CIITA: variants seen among roughly 807,000 people sequenced by gnomAD.
CIITA encodes the protein class II major histocompatibility complex transactivator.
Under a neutral mutation model 115.1 loss-of-function variants are expected in CIITA, and 72 were observed. The ratio of observed to expected loss-of-function variants is 0.63; its 90% CI spans 0.52 to 0.76. The LOEUF is 0.76. Among genes scored for constraint, CIITA ranks in the 30% least tolerant of loss-of-function variants. The pLI is 0.00. For synonymous variants in CIITA, 763 were observed against 635.6 expected (o/e 1.20, Z -3.02); for missense variants, 1,617 against 1,463.8 (o/e 1.10, Z -1.71).
chr16:10,878,324 C>T (rs760560986), intron 1 of CIITA, among the ~76,000 whole-genome samples: 3 of 152,116 alleles, frequency 2.0e-5, no homozygotes, highest in Non-Finnish European at 4.4e-5. Context: ...CAGAGGTAAC[C>T]TTGCCCCCTC....
upstream of CIITA, chr16:10,866,226 C>T (rs1314121273): frequency 8.6e-6 from 4 of 466,868 alleles, no homozygotes; most frequent in Non-Finnish European, 1.7e-5. Context: ...TTGGATGCTG[C>T]ATGCTGGGTG....
chr16:10,885,757 G>A (rs1381539367), intron 1 of CIITA, among the ~76,000 whole-genome samples: 1 of 152,148 alleles, frequency 6.6e-6, no homozygotes, highest in Non-Finnish European at 1.5e-5. Context: ...AAGAGCAGAG[G>A]TTTGTTTCTT....
intron 1 of CIITA, chr16:10,888,506 C>T (rs965619606): frequency 2.1e-4 from 32 of 152,244 alleles, no homozygotes; most frequent in African/African-American, 7.2e-4. Flanking sequence ...ACCTGATTTC[C>T]CTCGGGGGAG....
chr16:10,902,997 G>C (rs2038893138), intron 8 of CIITA, among the ~76,000 whole-genome samples, 196 bp downstream of exon 8: 1 of 152,124 alleles, frequency 6.6e-6, no homozygotes, highest in South Asian at 2.1e-4. Context: ...AGGTGGTCTG[G>C]GTGCATGACC....
chr16:10,901,395 A>G lies in CIITA; in HGVS notation c.437-119A>G, dbSNP rs1285464790. The G allele has an allele frequency of 3.8e-6, 4 of 1,040,860 alleles. No homozygotes were observed. Among genetic ancestry groups the G allele is most frequent in the South Asian group, 1.3e-5 (1 of 75,318 alleles). The allele number at this position is 1,040,860 out of a possible 1,614,324, so 64.5% of individuals were successfully genotyped here. A position where few individuals can be genotyped will look rare whatever the true frequency, so the allele number is the denominator to read the frequency against. ...TGTTAGAGCGAGGGGAGGAAAATGG[A>G]CCCCCAAGACCACTACCCAGCCTTG... is the stretch of plus-strand genomic sequence containing the variant. On this transcript the variant is annotated intron_variant, in intron 5 of 19. Coordinates refer to ENST00000324288, the MANE Select transcript of CIITA (RefSeq NM_000246.4). The surrounding 1 kb of genome is among the most constrained non-coding windows in gnomAD (Gnocchi z 6.8).
intron 1 of CIITA, chr16:10,866,485 G>C (rs1441994978): frequency 1.8e-6 from 1 of 562,260 alleles, no homozygotes. Flanking sequence ...AGAGAAAGGA[G>C]ACCTGGATTT....
intron 1 of CIITA, among the ~76,000 whole-genome samples, chr16:10,890,110 G>A (rs1018297650): frequency 3.3e-5 from 5 of 152,158 alleles, no homozygotes; most frequent in African/African-American, 9.7e-5. Context: ...AGGGAAGCAG[G>A]AAGTGGGGCG....
At chr16:10,914,199 G>A (rs927168438) in intron 13 of CIITA, among the ~76,000 whole-genome samples, 2 of 152,098 alleles carry the variant, frequency 1.3e-5, no homozygotes, top group African/African-American at 4.8e-5. Flanking sequence ...ATTTAACAAC[G>A]AATGCCTTAA....
intron 1 of CIITA, among the ~76,000 whole-genome samples, chr16:10,892,130 C>T (rs146260139): frequency 1.3e-5 from 2 of 152,120 alleles, no homozygotes; most frequent in East Asian, 3.9e-4. Context: ...TCGAAACCAG[C>T]CTGACCAACA....
intron 15 of CIITA, 50 bp downstream of exon 15, chr16:10,916,509 G>A (rs201134444): frequency 7.6e-5 from 114 of 1,509,916 alleles, no homozygotes; most frequent in Admixed American, 5.4e-4. Flanking sequence ...CCCAAAGTCC[G>A]GCTGACTTTT....
At chr16:10,910,367 C>T (rs919778855) in intron 13 of CIITA, 108 bp downstream of exon 13, 3 of 966,856 alleles carry the variant, frequency 3.1e-6, no homozygotes, top group Non-Finnish European at 4.8e-6. Context: ...TCATTCTTAC[C>T]CTCTTGCCCA....
upstream of CIITA, among the ~76,000 whole-genome samples, chr16:10,872,427 G>A (rs192292645): frequency 5.3e-5 from 8 of 152,056 alleles, no homozygotes; most frequent in East Asian, 7.7e-4. Flanking sequence ...CCAGCCTCTC[G>A]CCCTGTCTTA....
In CIITA at chr16:10,930,363, G is replaced by A. The variant is rs2040733134; in HGVS notation, c.*6508G>A. On this transcript the variant is annotated 3_prime_UTR_variant, in exon 20 of 20. Transcript: ENST00000324288. ...TTCTTGGAGGTGGGGTGGCTGTTCT[G>A]GGCACTGAGCATTTAGCAGCATCTC... 1 of 152,142 alleles carries A rather than the reference G, an allele frequency of 6.6e-6. No individual in the cohort carries two copies. The highest frequency in any genetic ancestry group is 2.4e-5 in the African/African-American group (1 of 41,428). The allele number at this position is 152,142 out of a possible 1,614,324, so 9.4% of individuals were successfully genotyped here.
In CIITA at chr16:10,942,754, G is replaced by A. The variant is rs2041132090; in HGVS notation, n.1880G>A. 1 of 152,270 alleles carries A rather than the reference G, an allele frequency of 6.6e-6. No homozygotes were observed. Among genetic ancestry groups the A allele is most frequent in the African/African-American group, 2.4e-5 (1 of 41,470 alleles). 9.4% of individuals were successfully genotyped at this position (152,270 alleles called of 1,614,324 possible). On this transcript the variant is annotated non_coding_transcript_exon_variant, in exon 2 of 2. Transcript: ENST00000573379. The surrounding 1 kb of genome is among the most constrained non-coding windows in gnomAD (Gnocchi z 5.0). Reference sequence around the variant, plus strand: ...AGGCCGCAAAAGCCGAAGGAAACCCGGGCTACCGCTGCACCTTGCTGCATG... The same window carrying A: ...AGGCCGCAAAAGCCGAAGGAAACCCAGGCTACCGCTGCACCTTGCTGCATG...
chr16:10,911,732 G>A (rs1353609507), intron 13 of CIITA, among the ~76,000 whole-genome samples: 1 of 151,430 alleles, frequency 6.6e-6, no homozygotes, highest in African/African-American at 2.4e-5. Flanking sequence ...TGTATTTTTT[G>A]TAGAGACAGG....
chr16:10,892,778 C>T (rs1035500597), intron 1 of CIITA, among the ~76,000 whole-genome samples: 2 of 152,034 alleles, frequency 1.3e-5, no homozygotes, highest in Admixed American at 6.6e-5. Flanking sequence ...ACTAAAAATA[C>T]AAAAATTAGC....
At chr16:10,883,643 C>T (rs866203181) in intron 1 of CIITA, among the ~76,000 whole-genome samples, 10 of 152,148 alleles carry the variant, frequency 6.6e-5, no homozygotes, top group South Asian at 4.1e-4. Flanking sequence ...AGGATTTCCA[C>T]GTCCCTCTTG....
At chr16:10,902,605 C>A in intron 7 of CIITA, 53 bp from the exon 8 acceptor site, 5 of 1,611,336 alleles carry the variant, frequency 3.1e-6, no homozygotes, top group Non-Finnish European at 4.2e-6. Context: ...AAAGCAGAAT[C>A]GCAAACACAG....
At chr16:10,899,691 T>C (rs2038513036) in intron 5 of CIITA, among the ~76,000 whole-genome samples, 1 of 152,206 alleles carries the variant, frequency 6.6e-6, no homozygotes, top group South Asian at 2.1e-4. Context: ...TGAGTACTTA[T>C]TATGGGTCTG....
Sources: gnomAD v4.1 joint callset for allele counts (sites outside exome capture counted in the v4.1 genomes callset) on GRCh38, gnomAD v4.1.1 for gene constraint, Gnocchi (gnomAD v3.1) non-coding constraint, MANE v1.5 for transcripts, NCBI Gene and HGNC (gene_info 2026-07-23, HGNC 2026-07-21) for gene names.